Variants in TNFSF12 observed in about 807,000 individuals in gnomAD.
TNFSF12 encodes tumor necrosis factor ligand superfamily member 12.
A neutral mutation model predicts 31.2 loss-of-function variants in TNFSF12; 16 were observed. That is an observed-to-expected ratio of 0.51 (90% CI 0.35 to 0.78). TNFSF12 has a LOEUF of 0.78. Ranked by LOEUF, TNFSF12 falls within the 30% of genes least tolerant of loss-of-function variation. The pLI is 0.01. For synonymous variants in TNFSF12, 150 were observed against 151.4 expected, an observed-to-expected ratio of 0.99 and a Z score of 0.07; for missense variants, 324 against 338.8, an observed-to-expected ratio of 0.96 and a Z score of 0.34.
rs1491470988 is a variant in TNFSF12 at position 7,555,974 on chromosome 17, T to TTTTTTG, written c.374-799_374-798insGTTTTT. Among the ~76,000 whole-genome samples, 114 of 15,756 alleles carry TTTTTTG rather than the reference T, an allele frequency of 7.2e-3. 9 individuals carry two copies. Among genetic ancestry groups the TTTTTTG allele is most frequent in the Middle Eastern group, 0.042 (1 of 24 alleles). The allele number at this position is 15,756 out of a possible 152,430, so 10.3% of individuals were successfully genotyped here. ...TGGAAATAAAAATGCCCAGTGAGCG[T>TTTTTTG]TTTTTTTGTTTTTTTTTTTTTTTGG... On this transcript the variant is annotated intron_variant, in intron 5 of 6. Transcript: ENST00000293825.
At chr17:7,556,936 AAG>A (rs1179026641) in intron 6 of TNFSF12, 34 bp downstream of exon 6, 1 of 1,528,550 alleles carries the variant, frequency 6.5e-7, no homozygotes. Context: ...GTAACGCAGT[AAG>A]AGAGTGGCGA....
chr17:7,557,485 C>T lies in TNFSF12; in HGVS notation c.*135C>T, dbSNP rs1597829820. The T allele has an allele frequency of 1.6e-6, 2 of 1,230,664 alleles. No homozygotes were observed. Among genetic ancestry groups the T allele is most frequent in the East Asian group, 2.6e-5 (1 of 38,946 alleles). The allele number at this position is 1,230,664 out of a possible 1,614,324, so 76.2% of individuals were successfully genotyped here. On this transcript the variant is annotated 3_prime_UTR_variant, in exon 7 of 7. Transcript: ENST00000293825. The surrounding 1 kb of genome is among the most constrained non-coding windows in gnomAD (Gnocchi z 5.2). ...CCCCTCCCTCTAGAGGCTGCCTGGGCCTGTTCACGTGTTTTCCATCCCACA... is the reference window on the plus strand; with the variant it reads ...CCCCTCCCTCTAGAGGCTGCCTGGGTCTGTTCACGTGTTTTCCATCCCACA...
At chr17:7,553,005 A>G (rs984878337) in intron 5 of TNFSF12, among the ~76,000 whole-genome samples, 2 of 141,842 alleles carry the variant, frequency 1.4e-5, no homozygotes, top group African/African-American at 2.7e-5. Context: ...GAAATAAGGA[A>G]CTGGAGGCAG....
rs59248137 is a variant in TNFSF12 at position 7,555,973 on chromosome 17, G to GTTTTTTTTTTT, written c.374-797_374-796insTTTTTTTTTTT. 1.1e-3 allele frequency among the ~76,000 whole-genome samples: 79 copies of GTTTTTTTTTTT among 70,856 alleles called. 7 individuals are homozygous for GTTTTTTTTTTT. The highest frequency in any genetic ancestry group is 3.9e-3 in the East Asian group (9 of 2,294). 46.5% of individuals were successfully genotyped at this position (70,856 alleles called of 152,430 possible). A position where few individuals can be genotyped will look rare whatever the true frequency, so the allele number is the denominator to read the frequency against. On this transcript the variant is annotated intron_variant, in intron 5 of 6. Coordinates refer to ENST00000293825, the MANE Select transcript of TNFSF12 (RefSeq NM_003809.3). ...GTGGAAATAAAAATGCCCAGTGAGC[G>GTTTTTTTTTTT]TTTTTTTTGTTTTTTTTTTTTTTTG...
In TNFSF12 at chr17:7,555,973, G is replaced by GTTTTTTTTTTTTTTTTTTTTT. The variant is rs59248137; in HGVS notation, c.374-797_374-796insTTTTTTTTTTTTTTTTTTTTT. Among the ~76,000 whole-genome samples the GTTTTTTTTTTTTTTTTTTTTT allele has an allele frequency of 8.7e-4, 62 of 70,878 alleles. 17 individuals are homozygous for GTTTTTTTTTTTTTTTTTTTTT. The highest frequency in any genetic ancestry group is 1.2e-3 in the Non-Finnish European group (45 of 38,444). The allele number at this position is 70,878 out of a possible 152,430, so 46.5% of individuals were successfully genotyped here. A position where few individuals can be genotyped will look rare whatever the true frequency, so the allele number is the denominator to read the frequency against. On this transcript the variant is annotated intron_variant, in intron 5 of 6. Coordinates refer to ENST00000293825, the MANE Select transcript of TNFSF12 (RefSeq NM_003809.3). The stretch of plus-strand genomic sequence containing the variant: ...GTGGAAATAAAAATGCCCAGTGAGC[G>GTTTTTTTTTTTTTTTTTTTTT]TTTTTTTTGTTTTTTTTTTTTTTTG...
chr17:7,550,669 G>T lies in TNFSF12; in HGVS notation c.284-130G>T. 2 of 1,392,098 alleles carry T rather than the reference G, an allele frequency of 1.4e-6. No homozygotes were observed. Among genetic ancestry groups the T allele is most frequent in the South Asian group, 2.8e-5 (2 of 72,330 alleles). The allele number at this position is 1,392,098 out of a possible 1,614,324, so 86.2% of individuals were successfully genotyped here. ...ACTTACTGAGGAAGATGAGGCCTGA[G>T]ATTCTAAGGCCAGGAGTCTGGACAA... is the stretch of plus-strand genomic sequence containing the variant. On this transcript the variant is annotated intron_variant, in intron 3 of 6. Transcript: ENST00000293825. The surrounding 1 kb of genome is among the most constrained non-coding windows in gnomAD (Gnocchi z 4.4).
chr17:7,556,967 G>A (rs552580612), intron 6 of TNFSF12, 65 bp downstream of exon 6: 1 of 1,529,478 alleles, frequency 6.5e-7, no homozygotes, highest in African/African-American at 1.4e-5. Context: ...CCAGGAGAGT[G>A]GGGGACAAGC....
Position 7,550,514 on chromosome 17 carries a change from C to T in TNFSF12, c.284-285C>T, listed in dbSNP as rs548173181. Among the ~76,000 whole-genome samples the T allele has an allele frequency of 2.6e-5, 4 of 151,792 alleles. No homozygotes were observed. The highest frequency in any genetic ancestry group is 4.2e-4 in the South Asian group (2 of 4,800). The stretch of plus-strand genomic sequence containing the variant: ...CTTAGGAATGGGATGATGGGGTGGC[C>T]GGATGACCACGTGTCCAAGTCGGCA... On this transcript the variant is annotated intron_variant, in intron 3 of 6. Transcript: ENST00000293825. This position sits in a 1 kb window ranked among gnomAD's most constrained non-coding sequence, Gnocchi z 4.4.
intron 5 of TNFSF12, among the ~76,000 whole-genome samples, chr17:7,556,161 A>G (rs2071062814): frequency 1.3e-5 from 2 of 151,568 alleles, no homozygotes; most frequent in South Asian, 2.1e-4. Flanking sequence ...TTGTATTTTT[A>G]GTAGAGACGG....
Position 7,549,675 on chromosome 17 carries a change from G to A in TNFSF12, c.207+154G>A. ...TGCATGGGTGCGTGTCTGCAGGGGT[G>A]TGTGTGCGTGGTGACAACTCTGTGT... On this transcript the variant is annotated intron_variant, in intron 2 of 6. Transcript: ENST00000293825. The surrounding 1 kb of genome is among the most constrained non-coding windows in gnomAD (Gnocchi z 4.1). 1 of 1,248,008 alleles carries A rather than the reference G, an allele frequency of 8.0e-7. No individual in the cohort carries two copies. The highest frequency in any genetic ancestry group is 2.6e-5 in the East Asian group (1 of 38,536). The allele number at this position is 1,248,008 out of a possible 1,614,324, so 77.3% of individuals were successfully genotyped here. A position where few individuals can be genotyped will look rare whatever the true frequency, so the allele number is the denominator to read the frequency against.
At chr17:7,552,446 G>C (rs2071010958) in intron 5 of TNFSF12, among the ~76,000 whole-genome samples, 1 of 151,352 alleles carries the variant, frequency 6.6e-6, no homozygotes, top group South Asian at 2.1e-4. Flanking sequence ...TCCTGTCTCA[G>C]CCTCCCAAGT....
At chr17:7,552,946 G>T (rs1347806652) in intron 5 of TNFSF12, among the ~76,000 whole-genome samples, 1 of 151,356 alleles carries the variant, frequency 6.6e-6, no homozygotes, top group Non-Finnish European at 1.5e-5. Flanking sequence ...GGTTTCAGTG[G>T]CATAGTTAGA....
In TNFSF12 at chr17:7,549,755, G is replaced by A; in HGVS notation, c.207+234G>A. 1 of 678,260 alleles carries A rather than the reference G, an allele frequency of 1.5e-6. No individual in the cohort carries two copies. Among genetic ancestry groups the A allele is most frequent in the Non-Finnish European group, 2.4e-6 (1 of 418,194 alleles). The allele number at this position is 678,260 out of a possible 1,614,324, so 42.0% of individuals were successfully genotyped here. ...GAGTCTGAGGTGTTTATTGGCTGGGGGTGACGTGGTTGTATAAGATATGTG... is the reference window on the plus strand; with the variant it reads ...GAGTCTGAGGTGTTTATTGGCTGGGAGTGACGTGGTTGTATAAGATATGTG... On this transcript the variant is annotated intron_variant, in intron 2 of 6. Transcript: ENST00000293825. This position sits in a 1 kb window ranked among gnomAD's most constrained non-coding sequence, Gnocchi z 4.1.
chr17:7,550,383 T>C lies in TNFSF12; in HGVS notation c.283+188T>C, dbSNP rs528731979. Among the ~76,000 whole-genome samples, 2 of 152,296 alleles carry C rather than the reference T, an allele frequency of 1.3e-5. No homozygotes were observed. The highest frequency in any genetic ancestry group is 3.9e-4 in the East Asian group (2 of 5,182). On this transcript the variant is annotated intron_variant, in intron 3 of 6. Coordinates refer to ENST00000293825, the MANE Select transcript of TNFSF12 (RefSeq NM_003809.3). The surrounding 1 kb of genome is among the most constrained non-coding windows in gnomAD (Gnocchi z 4.4). Reference sequence around the variant, plus strand: ...CATATGGATGTGCTCCTTCAGACCCTACCCCAAACAGGAAGGCAGGGTGGC... The same window carrying C: ...CATATGGATGTGCTCCTTCAGACCCCACCCCAAACAGGAAGGCAGGGTGGC...
rs2070981031 is a variant in TNFSF12, at chr17:7,549,917, G to T, written c.208-203G>T. The T allele has an allele frequency of 5.8e-6, 4 of 689,558 alleles. No homozygotes were observed. The highest frequency in any genetic ancestry group is 9.7e-6 in the Non-Finnish European group (4 of 413,386). 42.7% of individuals were successfully genotyped at this position (689,558 alleles called of 1,614,324 possible). ...TTGTGTGTGTGGGTGGGAAAGTGTA[G>T]CTGGTCTAGAGGAAAGGGTGAGGAC... is the stretch of plus-strand genomic sequence containing the variant. On this transcript the variant is annotated intron_variant, in intron 2 of 6. Transcript: ENST00000293825. This position sits in a 1 kb window ranked among gnomAD's most constrained non-coding sequence, Gnocchi z 4.1.
At position 7,550,215 on chromosome 17, in the gene TNFSF12, A is replaced by G; in HGVS notation, c.283+20A>G. 6.2e-7 allele frequency: 1 copy of G among 1,614,110 alleles called. No individual in the cohort carries two copies. Among genetic ancestry groups the G allele is most frequent in the Non-Finnish European group, 8.5e-7 (1 of 1,180,002 alleles). Reference sequence around the variant, plus strand: ...GAAGTGGTGAGCATCCCTCTATCCCAACCTCAGGAAGCGGGCAGAGCAAAA... The same window carrying G: ...GAAGTGGTGAGCATCCCTCTATCCCGACCTCAGGAAGCGGGCAGAGCAAAA... On this transcript the variant is annotated intron_variant, in intron 3 of 6. Coordinates refer to ENST00000293825, the MANE Select transcript of TNFSF12 (RefSeq NM_003809.3). This position sits in a 1 kb window ranked among gnomAD's most constrained non-coding sequence, Gnocchi z 4.4.
rs11654281 is a variant in TNFSF12, at chr17:7,554,104, T to G, written c.374-2674T>G. On this transcript the variant is annotated intron_variant, in intron 5 of 6. Transcript: ENST00000293825. Reference sequence around the variant, plus strand: ...CCTTAGGCTACAAGCAGCCTTTGCTTAGGCTGGCTTCGTAGCTAGGAATGC... The same window carrying G: ...CCTTAGGCTACAAGCAGCCTTTGCTGAGGCTGGCTTCGTAGCTAGGAATGC... 8.7e-3 allele frequency among the ~76,000 whole-genome samples: 1,322 copies of G among 152,136 alleles called. 24 individuals are homozygous for G. The highest frequency in any genetic ancestry group is 0.03 in the African/African-American group (1,234 of 41,458).
In TNFSF12 at chr17:7,550,078, T is replaced by C; in HGVS notation, c.208-42T>C. 6.2e-7 allele frequency: 1 copy of C among 1,613,966 alleles called. No homozygotes were observed. The highest frequency in any genetic ancestry group is 8.5e-7 in the Non-Finnish European group (1 of 1,179,918). On this transcript the variant is annotated intron_variant, in intron 2 of 6. Transcript: ENST00000293825. This position sits in a 1 kb window ranked among gnomAD's most constrained non-coding sequence, Gnocchi z 4.4. ...CAGGCCCCGTATGTCTCACTTTATA[T>C]CTCTGGGAGTCTGTGGTTGAACCCT...
At chr17:7,552,800 G>A (rs1227159203) in intron 5 of TNFSF12, among the ~76,000 whole-genome samples, 1 of 152,108 alleles carries the variant, frequency 6.6e-6, no homozygotes, top group African/African-American at 2.4e-5. Flanking sequence ...GTGGCATCCT[G>A]GATTCGGAGA....
Sources: allele counts gnomAD v4.1 joint callset (sites outside exome capture counted in the v4.1 genomes callset), GRCh38; gene constraint gnomAD v4.1.1; non-coding constraint Gnocchi (gnomAD v3.1); transcripts MANE v1.5; gene names NCBI Gene and HGNC (gene_info 2026-07-23, HGNC 2026-07-21).